ARVCF: variants seen among roughly 807,000 people sequenced by gnomAD.
ARVCF encodes the protein ARVCF delta catenin family member, also known as splicing regulator ARVCF.
A neutral mutation model predicts 90.9 loss-of-function variants in ARVCF; 66 were observed. That is an observed-to-expected ratio of 0.73 (90% CI 0.60 to 0.89). ARVCF has a LOEUF of 0.89. Ranked by LOEUF, ARVCF falls within the 40% of genes least tolerant of loss-of-function variation. The pLI is 0.00. For synonymous variants in ARVCF, 653 were observed against 603.4 expected (o/e 1.08, Z -1.21); for missense variants, 1,469 against 1,382.3 (o/e 1.06, Z -1.00).
chr22:19,968,454 T>C (rs532505190), downstream of ARVCF: 1 of 1,383,082 alleles, frequency 7.2e-7, no homozygotes, highest in Admixed American at 1.9e-5. Context: ...CGTGGCCTAG[T>C]GAGGAGCACC....
chr22:19,986,822 C>G (rs1212339038), intron 3 of ARVCF: 15 of 405,382 alleles, frequency 3.7e-5, no homozygotes, highest in East Asian at 1.6e-4. Flanking sequence ...GGGGTCCCGA[C>G]CCCCCCAGGC....
At chr22:19,974,322 T>A (rs1242458634) in intron 11 of ARVCF, 83 bp from the exon 12 acceptor site, 1 of 1,460,148 alleles carries the variant, frequency 6.8e-7, no homozygotes, top group East Asian at 2.5e-5. Flanking sequence ...GCTTCAGAGC[T>A]CCCAGGGCGT....
chr22:20,008,681 C>T (rs1944720170), intron 2 of ARVCF, among the ~76,000 whole-genome samples: 1 of 152,328 alleles, frequency 6.6e-6, no homozygotes, highest in Middle Eastern at 3.4e-3. Context: ...CAGGACCACA[C>T]CCCAGGGCCC....
Position 19,986,493 on chromosome 22 carries a change from G to A in ARVCF, c.210+4092C>T, listed in dbSNP as rs375835977. On this transcript the variant is annotated intron_variant, in intron 3 of 19. Transcript: ENST00000263207. ...GATCTCCTCCAGCATCCATTAGTGG[G>A]CAGGGCCTGTCTCTATCCCTCCCAT... Among the ~76,000 whole-genome samples the A allele has an allele frequency of 7.9e-5, 12 of 152,304 alleles. No individual in the cohort carries two copies. The East Asian group carries it at 1.9e-3, about 25-fold the overall frequency.
chr22:20,006,535 C>T (rs1325951444), intron 2 of ARVCF, among the ~76,000 whole-genome samples: 32 of 142,658 alleles, frequency 2.2e-4, no homozygotes, highest in African/African-American at 7.3e-4. Context: ...GCCGAGATCG[C>T]GCCACTGCAC....
intron 2 of ARVCF, among the ~76,000 whole-genome samples, chr22:19,996,649 C>T (rs1011071800): frequency 6.6e-6 from 1 of 152,220 alleles, no homozygotes; most frequent in Non-Finnish European, 1.5e-5. Context: ...CAGAGCCCCA[C>T]AGTCCTGCCC....
At position 19,990,591 on chromosome 22, in the gene ARVCF, G is replaced by A. The variant is rs977243078; in HGVS notation, c.204C>T (p.Val68=). ...QPLPMAWQQL[V]LQEQSPGSQA... is the part of the protein sequence containing the mutation. ...CAAGTCACTAGGCTGTTACCTGGAG[G>A]ACCAGCTGTTGCCAGGCCATTGGCA... The change falls in exon 3 of 20, where the codon GTC becomes GTT. Residue 68 remains valine, a synonymous_variant. Coordinates refer to ENST00000263207, the MANE Select transcript of ARVCF (RefSeq NM_001670.3). 2.2e-5 allele frequency: 35 copies of A among 1,606,538 alleles called. No individual in the cohort carries two copies. The highest frequency in any genetic ancestry group is 3.4e-5 in the Admixed American group (2 of 59,634).
At chr22:19,984,590 C>A (rs1338240476) in intron 3 of ARVCF, among the ~76,000 whole-genome samples, 2 of 152,188 alleles carry the variant, frequency 1.3e-5, no homozygotes, top group Admixed American at 1.3e-4. Context: ...ATATACATGA[C>A]CCCTCAGACA....
At chr22:20,008,490 T>C (rs898396786) in intron 2 of ARVCF, among the ~76,000 whole-genome samples, 1 of 152,190 alleles carries the variant, frequency 6.6e-6, no homozygotes, top group East Asian at 1.9e-4. Flanking sequence ...GTGTTGTGGA[T>C]CTCCTCAACC....
chr22:19,980,102 A>G lies in ARVCF; in HGVS notation c.1037T>C (p.Val346Ala). Reference sequence around the variant, plus strand: ...GCGCGGCTCCTTGCGGGCGCTATCCACTGAGGGCGAGCGCCGCACCAGCCG... The same window carrying G: ...GCGCGGCTCCTTGCGGGCGCTATCCGCTGAGGGCGAGCGCCGCACCAGCCG... Reference protein sequence around the residue: ...LDRLVRRSPSVDSARKEPRWR... With the variant: ...LDRLVRRSPSADSARKEPRWR... Residue 346 changes from valine (V) to alanine (A), a missense_variant, in exon 6 of 20, where the codon GTG becomes GCG. Transcript: ENST00000263207. 1 of 1,586,244 alleles carries G rather than the reference A, an allele frequency of 6.3e-7. No homozygotes were observed. Among genetic ancestry groups the G allele is most frequent in the Non-Finnish European group, 8.6e-7 (1 of 1,169,286 alleles).
At chr22:19,966,871 G>T, downstream of ARVCF, 1 of 902,212 alleles carries the variant, frequency 1.1e-6, no homozygotes, top group Non-Finnish European at 1.3e-6. Flanking sequence ...TCTAAGGAGG[G>T]TGGGCCAGAT....
intron 7 of ARVCF, among the ~76,000 whole-genome samples, chr22:19,978,515 C>T (rs1043393618): frequency 2.0e-5 from 3 of 152,160 alleles, no homozygotes; most frequent in Non-Finnish European, 4.4e-5. Context: ...ACCCAGGACT[C>T]TGTGGGGTCA....
rs1164678175 is a variant in ARVCF, at chr22:19,982,001, C to T, written c.301G>A (p.Gly101Ser). ...EETVTVEEDPGTPTSHVSIVT... is the reference protein window; with the variant it reads ...EETVTVEEDPSTPTSHVSIVT... ...ATAGACACATGGGAAGTGGGTGTGC[C>T]GGGGTCCTCCTCCACCGTCACGGTC... is the stretch of plus-strand genomic sequence containing the variant. Residue 101 changes from glycine (G) to serine (S), a missense_variant, in exon 4 of 20, where the codon GGC becomes AGC. Physicochemically the swap from Gly to Ser is moderately conservative, Grantham distance 56. Coordinates refer to ENST00000263207, the MANE Select transcript of ARVCF (RefSeq NM_001670.3). 5.0e-6 allele frequency: 8 copies of T among 1,613,138 alleles called. No individual in the cohort carries two copies. Among genetic ancestry groups the T allele is most frequent in the Admixed American group, 1.7e-5 (1 of 60,012 alleles).
chr22:20,002,069 A>G (rs1173002339), intron 2 of ARVCF, among the ~76,000 whole-genome samples: 1 of 152,216 alleles, frequency 6.6e-6, no homozygotes, highest in African/African-American at 2.4e-5. Context: ...TCTTCCAACC[A>G]CAGAAAAACG....
intron 3 of ARVCF, among the ~76,000 whole-genome samples, chr22:19,987,432 C>T (rs911839729): frequency 1.2e-4 from 18 of 151,272 alleles, no homozygotes; most frequent in South Asian, 8.4e-4. Context: ...TGCTCCCTCC[C>T]CCTCCCTGCG....
Position 19,971,895 on chromosome 22 carries a change from T to C in ARVCF, c.2772A>G (p.Glu924=). Residue 924 remains glutamate, a synonymous_variant, in exon 18 of 20, where the codon GAA becomes GAG. Transcript: ENST00000263207. Reference sequence around the variant, plus strand: ...CCACATGACCACTTACTTTCAAGGGTTCCTTCTCAGAGGCCTCTCCTGCAG... The same window carrying C: ...CCACATGACCACTTACTTTCAAGGGCTCCTTCTCAGAGGCCTCTCCTGCAG... ...ASSAGEASEK[E]PLKLDPSRKA... is the part of the protein sequence containing the mutation. 6.2e-7 allele frequency: 1 copy of C among 1,613,250 alleles called. No individual in the cohort carries two copies. Among genetic ancestry groups the C allele is most frequent in the South Asian group, 1.1e-5 (1 of 91,074 alleles).
chr22:19,970,610 A>G lies in ARVCF; in HGVS notation c.*146T>C. ...GGTGGGGGGGCAGGAGGGTGTCCCC[A>G]AAGTCAGGCTTGGCTGGGGCGAGGC... On this transcript the variant is annotated 3_prime_UTR_variant, in exon 20 of 20. Transcript: ENST00000263207. The G allele has an allele frequency of 7.9e-7, 1 of 1,263,970 alleles. No individual in the cohort carries two copies. The allele number at this position is 1,263,970 out of a possible 1,614,324, so 78.3% of individuals were successfully genotyped here.
chr22:20,009,196 C>T (rs1009285670), intron 2 of ARVCF, among the ~76,000 whole-genome samples: 8 of 152,240 alleles, frequency 5.3e-5, no homozygotes, highest in African/African-American at 1.7e-4. Context: ...GCTTCTTTGT[C>T]CCAACCCAGA....
At chr22:20,000,569 G>A (rs1944409706) in intron 2 of ARVCF, among the ~76,000 whole-genome samples, 1 of 152,200 alleles carries the variant, frequency 6.6e-6, no homozygotes, top group African/African-American at 2.4e-5. Flanking sequence ...CAAAGAGGTG[G>A]GAGAAGTGCT....
Sources: gnomAD v4.1 joint callset for allele counts (sites outside exome capture counted in the v4.1 genomes callset) on GRCh38, gnomAD v4.1.1 for gene constraint, MANE v1.5 for transcripts, NCBI Gene and HGNC (gene_info 2026-07-23, HGNC 2026-07-21) for gene names.